Variants in ACAP2 observed in about 807,000 individuals in gnomAD.
ACAP2 encodes arf-GAP with coiled-coil, ANK repeat and PH domain-containing protein 2.
ACAP2 carries 39 observed loss-of-function variants against 115.8 expected under a neutral mutation model. That is an observed-to-expected ratio of 0.34 (90% CI 0.26 to 0.44). ACAP2 has a LOEUF of 0.44. Among genes scored for constraint, ACAP2 ranks in the 20% least tolerant of loss-of-function variants. The pLI is 1.00. For missense variants in ACAP2, 662 were observed against 927.6 expected (o/e 0.71, Z 3.72); for synonymous variants, 289 against 315.8 (o/e 0.92, Z 0.90).
intron 2 of ACAP2, among the ~76,000 whole-genome samples, chr3:195,384,698 G>A (rs1734175352): frequency 6.6e-6 from 1 of 151,026 alleles, no homozygotes. Flanking sequence ...CTGTACTCCA[G>A]CCTCAGTGAC....
At position 195,442,848 on chromosome 3, in the gene ACAP2, C is replaced by T; in HGVS notation, c.-1G>A. 1.3e-6 allele frequency: 2 copies of T among 1,516,678 alleles called. No homozygotes were observed. Among genetic ancestry groups the T allele is most frequent in the Admixed American group, 2.1e-5 (1 of 46,868 alleles). 94.0% of individuals were successfully genotyped at this position (1,516,678 alleles called of 1,614,324 possible). A position where few individuals can be genotyped will look rare whatever the true frequency, so the allele number is the denominator to read the frequency against. ...CCTCGAAATCCACAGTCATCTTCAT[C>T]CTGCCTCCGCCTCGCAGGCGGCGCT... On this transcript the variant is annotated 5_prime_UTR_variant, in exon 1 of 23. Transcript: ENST00000326793.
chr3:195,307,116 T>C lies in ACAP2; in HGVS notation c.1010+107A>G, dbSNP rs1056842218. 7.8e-6 allele frequency: 6 copies of C among 772,612 alleles called. No homozygotes were observed. In the South Asian group the frequency reaches 8.6e-5, roughly 11 times the overall value. 47.9% of individuals were successfully genotyped at this position (772,612 alleles called of 1,614,324 possible). Reference sequence around the variant, plus strand: ...AAATTATTTTTAAAACTTTTTTTTCTCTTTAGCACAGATACAGACAAATGC... The same window carrying C: ...AAATTATTTTTAAAACTTTTTTTTCCCTTTAGCACAGATACAGACAAATGC... On this transcript the variant is annotated intron_variant, in intron 12 of 22. Coordinates refer to ENST00000326793, the MANE Select transcript of ACAP2 (RefSeq NM_012287.6).
intron 1 of ACAP2, among the ~76,000 whole-genome samples, chr3:195,414,544 C>G (rs1267389380): frequency 6.6e-6 from 1 of 152,192 alleles, no homozygotes; most frequent in Non-Finnish European, 1.5e-5. Flanking sequence ...ATGTCTTTCA[C>G]TAGGTGAATG....
Position 195,285,527 on chromosome 3 carries a change from G to T in ACAP2, c.2236+269C>A, listed in dbSNP as rs555591698. 14 of 363,798 alleles carry T rather than the reference G, an allele frequency of 3.8e-5. 1 individual carries two copies. The South Asian group carries it at 6.3e-4, about 16-fold the overall frequency. The allele number at this position is 363,798 out of a possible 1,614,324, so 22.5% of individuals were successfully genotyped here. A position where few individuals can be genotyped will look rare whatever the true frequency, so the allele number is the denominator to read the frequency against. On this transcript the variant is annotated intron_variant, in intron 22 of 22. Coordinates refer to ENST00000326793, the MANE Select transcript of ACAP2 (RefSeq NM_012287.6). ...GGAAGACATCCGTACAGCAAATAAA[G>T]AAGTCAGCAGCCAGAGTGAAATAGA...
intron 15 of ACAP2, among the ~76,000 whole-genome samples, chr3:195,298,714 C>T (rs970451294): frequency 3.9e-5 from 6 of 152,162 alleles, no homozygotes; most frequent in African/African-American, 1.4e-4. Flanking sequence ...TCACTGCAAC[C>T]TCTGCCTCCT....
At chr3:195,308,013 T>C (rs6437468) in intron 11 of ACAP2, among the ~76,000 whole-genome samples, 152,211 of 152,250 alleles carry the variant, frequency 1, 76,086 homozygotes, top group Middle Eastern at 1. Context: ...ACTAATGATT[T>C]ATTCTTTTGT....
chr3:195,355,186 G>A (rs1731873187), intron 4 of ACAP2, among the ~76,000 whole-genome samples: 1 of 151,728 alleles, frequency 6.6e-6, no homozygotes, highest in South Asian at 2.1e-4. Flanking sequence ...TTCCATTAGT[G>A]TGAAAAGTAT....
At chr3:195,394,633 G>A (rs762658807) in intron 1 of ACAP2, among the ~76,000 whole-genome samples, 1 of 152,158 alleles carries the variant, frequency 6.6e-6, no homozygotes, top group Non-Finnish European at 1.5e-5. Context: ...CTGGCCAACA[G>A]AGCAAAAGCC....
intron 1 of ACAP2, among the ~76,000 whole-genome samples, chr3:195,394,944 G>A (rs1186223783): frequency 7.0e-6 from 1 of 143,792 alleles, no homozygotes; most frequent in Non-Finnish European, 1.5e-5. Context: ...TTAAAGTAGG[G>A]GGTGGTAAAG....
In ACAP2 at chr3:195,278,451, T is replaced by A. The variant is rs961099233; in HGVS notation, c.*877A>T. On this transcript the variant is annotated 3_prime_UTR_variant, in exon 23 of 23. Transcript: ENST00000326793. ...ATTTCAAATATAAAAATGGCCTACA[T>A]GATTTTATAAATTGATTTTTCCTTT... 1 of 152,200 alleles carries A rather than the reference T, an allele frequency of 6.6e-6. No homozygotes were observed. Among genetic ancestry groups the A allele is most frequent in the South Asian group, 2.1e-4 (1 of 4,832 alleles). 9.4% of individuals were successfully genotyped at this position (152,200 alleles called of 1,614,324 possible). A position where few individuals can be genotyped will look rare whatever the true frequency, so the allele number is the denominator to read the frequency against.
At chr3:195,305,349 A>C (rs6437467) in intron 13 of ACAP2, among the ~76,000 whole-genome samples, 1 of 152,114 alleles carries the variant, frequency 6.6e-6, no homozygotes, top group African/African-American at 2.4e-5. Context: ...CTTCAACATC[A>C]ACACTGGAAA....
At chr3:195,345,945 G>A (rs992760288) in intron 4 of ACAP2, among the ~76,000 whole-genome samples, 3 of 152,094 alleles carry the variant, frequency 2.0e-5, no homozygotes, top group African/African-American at 4.8e-5. Flanking sequence ...AATGCTTATC[G>A]TGGGGATTCC....
intron 1 of ACAP2, among the ~76,000 whole-genome samples, chr3:195,406,560 G>A (rs144834593): frequency 4.6e-5 from 7 of 152,164 alleles, no homozygotes; most frequent in African/African-American, 1.2e-4. Context: ...TAAAAATCCC[G>A]GCCTCAAGTG....
intron 1 of ACAP2, among the ~76,000 whole-genome samples, chr3:195,415,047 G>A (rs1350457620): frequency 6.6e-6 from 1 of 152,060 alleles, no homozygotes; most frequent in Non-Finnish European, 1.5e-5. Context: ...ATCCTATAAT[G>A]GTAGCTACAT....
At chr3:195,407,111 G>A (rs561138759) in intron 1 of ACAP2, among the ~76,000 whole-genome samples, 5 of 151,182 alleles carry the variant, frequency 3.3e-5, no homozygotes, top group Non-Finnish European at 5.9e-5. Context: ...ATCTGTACAT[G>A]CAATATAAAA....
At chr3:195,325,654 T>A (rs1327614306) in intron 9 of ACAP2, among the ~76,000 whole-genome samples, 2 of 152,108 alleles carry the variant, frequency 1.3e-5, no homozygotes, top group African/African-American at 4.8e-5. Context: ...AAAAGATGCA[T>A]AATGTTTATT....
chr3:195,401,697 G>A (rs907244299), intron 1 of ACAP2, among the ~76,000 whole-genome samples: 7 of 152,088 alleles, frequency 4.6e-5, no homozygotes, highest in South Asian at 2.1e-4. Flanking sequence ...GAACAGTAAC[G>A]TGAAATATGA....
chr3:195,289,051 C>T, intron 21 of ACAP2, 70 bp downstream of exon 21: 1 of 1,240,630 alleles, frequency 8.1e-7, no homozygotes, highest in Non-Finnish European at 1.2e-6. Context: ...GGAACTAATT[C>T]ACTGTGGATA....
chr3:195,295,632 C>T, intron 17 of ACAP2, 76 bp downstream of exon 17: 1 of 1,489,862 alleles, frequency 6.7e-7, no homozygotes, highest in Non-Finnish European at 9.2e-7. Context: ...ACGACAATGG[C>T]TATTAGTTCA....
Sources: gnomAD v4.1 joint callset for allele counts (sites outside exome capture counted in the v4.1 genomes callset) on GRCh38, gnomAD v4.1.1 for gene constraint, MANE v1.5 for transcripts, NCBI Gene and HGNC (gene_info 2026-07-23, HGNC 2026-07-21) for gene names.